Variants in TRIO observed in about 807,000 individuals in gnomAD.
TRIO encodes triple functional domain protein.
In TRIO, 58 loss-of-function variants were observed where a neutral mutation model predicts 351.9. The observed-to-expected ratio is 0.16, with a 90% confidence interval of 0.13 to 0.21. The LOEUF is 0.21. Among genes scored for constraint, TRIO ranks in the 10% least tolerant of loss-of-function variants. TRIO has a pLI of 1.00. For synonymous variants in TRIO, 1,758 were observed against 1,595.7 expected, an observed-to-expected ratio of 1.10 and a Z score of -2.42; for missense variants, 3,201 against 4,027.8, an observed-to-expected ratio of 0.79 and a Z score of 5.56.
At chr5:14,206,243 G>T (rs1435600575) in intron 1 of TRIO, among the ~76,000 whole-genome samples, 1 of 151,984 alleles carries the variant, frequency 6.6e-6, no homozygotes, top group Non-Finnish European at 1.5e-5. Context: ...TGTATTTGTG[G>T]TAGAGATGGG....
chr5:14,467,987 C>T (rs1370644353), intron 37 of TRIO, among the ~76,000 whole-genome samples: 1 of 152,140 alleles, frequency 6.6e-6, no homozygotes, highest in Non-Finnish European at 1.5e-5. Context: ...TTATACACGT[C>T]AGTTAAATGA....
At chr5:14,176,079 C>T (rs969986446) in intron 1 of TRIO, among the ~76,000 whole-genome samples, 3 of 151,946 alleles carry the variant, frequency 2.0e-5, no homozygotes, top group African/African-American at 7.3e-5. Context: ...TGAGGTGGGA[C>T]GATCACTTGA....
Position 14,293,081 on chromosome 5 carries a change from C to A in TRIO, c.1123C>A (p.Pro375Thr). Residue 375 changes from proline to threonine, a missense_variant, in exon 6 of 57, where the codon CCT (proline) becomes ACT (threonine). Around this residue, in one of 19 missense-constraint regions of TRIO, gnomAD observed 349 missense variants for 449.3 expected, o/e 0.78. Transcript: ENST00000344204. ...CTACACAGAGATTGGGACCAGCCAC[C>A]CTCATGCCATGGAGCTTCAGACGCA... ...NSYTEIGTSH[P>T]HAMELQTQHN... 1 of 1,614,162 alleles carries A rather than the reference C, an allele frequency of 6.2e-7. No homozygotes were observed. Among genetic ancestry groups the A allele is most frequent in the Non-Finnish European group, 8.5e-7 (1 of 1,180,012 alleles).
intron 1 of TRIO, among the ~76,000 whole-genome samples, chr5:14,260,160 A>G (rs1795260587): frequency 6.6e-6 from 1 of 152,194 alleles, no homozygotes; most frequent in African/African-American, 2.4e-5. Context: ...CCCTTTCAGA[A>G]TGGTCTGGAA....
intron 55 of TRIO, among the ~76,000 whole-genome samples, chr5:14,504,856 A>G (rs1757548606): frequency 7.3e-6 from 1 of 136,114 alleles, no homozygotes; most frequent in Non-Finnish European, 1.5e-5. Flanking sequence ...CAACCCGGAG[A>G]TGCACCCCCC....
At chr5:14,285,681 G>C (rs1736383290) in intron 3 of TRIO, among the ~76,000 whole-genome samples, 1 of 152,010 alleles carries the variant, frequency 6.6e-6, no homozygotes, top group African/African-American at 2.4e-5. Context: ...TAGTTTTTTG[G>C]GGGGATAATT....
chr5:14,372,205 A>T (rs1177777150), intron 18 of TRIO, among the ~76,000 whole-genome samples: 1 of 118,860 alleles, frequency 8.4e-6, no homozygotes, highest in Admixed American at 9.8e-5. Context: ...AGCTGGTTTG[A>T]AAGGCGGAGG....
chr5:14,462,721 G>T, intron 35 of TRIO, 34 bp from the exon 36 acceptor site: 1 of 1,612,776 alleles, frequency 6.2e-7, no homozygotes, highest in Non-Finnish European at 8.5e-7. Flanking sequence ...GAACTGGCCT[G>T]GAATATAATG....
Position 14,336,808 on chromosome 5 carries a change from A to G in TRIO, c.2046+81A>G, listed in dbSNP as rs1741458985. Reference sequence around the variant, plus strand: ...TTTGGAGGAACCTAAATTTAGTCATAATGTGAGAAAGTGGACAAAGGTGGC... The same window carrying G: ...TTTGGAGGAACCTAAATTTAGTCATGATGTGAGAAAGTGGACAAAGGTGGC... On this transcript the variant is annotated intron_variant, in intron 11 of 56. Transcript: ENST00000344204. The G allele has an allele frequency of 4.7e-6, 7 of 1,485,200 alleles. No homozygotes were observed. The Admixed American group carries it at 1.1e-4, about 23-fold the overall frequency. The allele number at this position is 1,485,200 out of a possible 1,614,324, so 92.0% of individuals were successfully genotyped here. A position where few individuals can be genotyped will look rare whatever the true frequency, so the allele number is the denominator to read the frequency against.
At position 14,400,968 on chromosome 5, in the gene TRIO, A is replaced by G. The variant is rs1351372264; in HGVS notation, c.4620A>G (p.Ser1540=). 2 of 1,613,866 alleles carry G rather than the reference A, an allele frequency of 1.2e-6. No individual in the cohort carries two copies. Among genetic ancestry groups the G allele is most frequent in the African/African-American group, 2.7e-5 (2 of 74,934 alleles). The change falls in exon 31 of 57, where the codon TCA becomes TCG. Residue 1540 remains serine (S), a synonymous_variant. Coordinates refer to ENST00000344204, the MANE Select transcript of TRIO (RefSeq NM_007118.4). ...KYLYKSKLFT[S]ELGVTEHVEG... is the part of the protein sequence containing the mutation. ...ATAATTGTCTTTTTATCCAGACCTC[A>G]GAGTTGGGTGTCACAGAACATGTTG...
At chr5:14,215,871 T>A (rs1792184737) in intron 1 of TRIO, among the ~76,000 whole-genome samples, 1 of 152,122 alleles carries the variant, frequency 6.6e-6, no homozygotes, top group Admixed American at 6.5e-5. Context: ...CGGTGACTTA[T>A]TTATGTTGAT....
intron 1 of TRIO, among the ~76,000 whole-genome samples, chr5:14,159,894 C>A (rs571992884): frequency 6.6e-6 from 1 of 152,310 alleles, no homozygotes; most frequent in South Asian, 2.1e-4. Flanking sequence ...ATTGGAGTCA[C>A]CTCTGCTCAC....
intron 14 of TRIO, 145 bp downstream of exon 14, chr5:14,364,072 C>T (rs1744388100): frequency 1.4e-6 from 1 of 736,394 alleles, no homozygotes; most frequent in African/African-American, 1.8e-5. Context: ...AGAACGTTTG[C>T]ATTTTTATGT....
intron 1 of TRIO, among the ~76,000 whole-genome samples, chr5:14,226,745 C>T (rs1793061508): frequency 6.6e-6 from 1 of 152,242 alleles, no homozygotes; most frequent in South Asian, 2.1e-4. Context: ...GCTAACCCAG[C>T]ACCCTGAAAG....
chr5:14,275,961 CAT>C (rs1209132015), intron 2 of TRIO, among the ~76,000 whole-genome samples: 3 of 143,952 alleles, frequency 2.1e-5, no homozygotes, highest in Middle Eastern at 3.6e-3. Flanking sequence ...CATATATATA[CAT>C]ATATATACAT....
chr5:14,230,121 C>CA (rs1221798769), intron 1 of TRIO, among the ~76,000 whole-genome samples: 1 of 152,130 alleles, frequency 6.6e-6, no homozygotes, highest in Admixed American at 6.6e-5. Context: ...TATTATGAGC[C>CA]ACTTTGCCAC....
chr5:14,380,316 C>A, intron 20 of TRIO, among the ~76,000 whole-genome samples: 1 of 149,176 alleles, frequency 6.7e-6, no homozygotes, highest in Non-Finnish European at 1.5e-5. Context: ...CCGCCTCCTC[C>A]TTCGCGCCCC....
intron 18 of TRIO, 47 bp downstream of exon 18, chr5:14,369,570 C>G (rs1317108970): frequency 4.5e-6 from 7 of 1,557,452 alleles, no homozygotes; most frequent in Non-Finnish European, 6.1e-6. Flanking sequence ...GGCTTCCTGC[C>G]TGCCAGGTGC....
chr5:14,417,006 A>T (rs988507278), intron 33 of TRIO, among the ~76,000 whole-genome samples: 3 of 152,202 alleles, frequency 2.0e-5, no homozygotes, highest in Non-Finnish European at 2.9e-5. Context: ...CCAAGGGGCC[A>T]TGGCAATCTG....
Sources: gnomAD v4.1 joint callset for allele counts (sites outside exome capture counted in the v4.1 genomes callset) on GRCh38, gnomAD v4.1.1 for gene constraint, gnomAD v4.1.1 regional missense constraint, MANE v1.5 for transcripts, NCBI Gene and HGNC (gene_info 2026-07-23, HGNC 2026-07-21) for gene names.